Variants in TAOK3 observed in about 807,000 individuals in gnomAD.
TAOK3 encodes serine/threonine-protein kinase TAO3.
A neutral mutation model predicts 120.4 loss-of-function variants in TAOK3; 40 were observed. The observed-to-expected ratio is 0.33, with a 90% confidence interval of 0.26 to 0.43. The LOEUF (loss-of-function observed/expected upper bound fraction) is 0.43. Ranked by LOEUF, TAOK3 falls within the 20% of genes least tolerant of loss-of-function variation. TAOK3 has a pLI of 1.00. For synonymous variants in TAOK3, 355 were observed against 387.5 expected, an observed-to-expected ratio of 0.92 and a Z score of 0.99; for missense variants, 821 against 1,112.1, an observed-to-expected ratio of 0.74 and a Z score of 3.72.
At chr12:118,290,579 A>G (rs951437927) in intron 1 of TAOK3, among the ~76,000 whole-genome samples, 1 of 152,092 alleles carries the variant, frequency 6.6e-6, no homozygotes, top group African/African-American at 2.4e-5. Context: ...AAGGTTAGGA[A>G]TCTGATTTAT....
At chr12:118,351,670 T>C (rs1221564293) in intron 1 of TAOK3, among the ~76,000 whole-genome samples, 4 of 152,072 alleles carry the variant, frequency 2.6e-5, no homozygotes, top group Non-Finnish European at 4.4e-5. Flanking sequence ...TAATAAATAT[T>C]CCTATCTTTA....
intron 1 of TAOK3, among the ~76,000 whole-genome samples, chr12:118,300,929 C>T (rs911253775): frequency 6.6e-5 from 10 of 152,230 alleles, no homozygotes; most frequent in African/African-American, 1.9e-4. Flanking sequence ...GCATGTGCCA[C>T]CACGCCCGGC....
At chr12:118,317,149 G>C (rs1366587479) in intron 1 of TAOK3, among the ~76,000 whole-genome samples, 5 of 151,762 alleles carry the variant, frequency 3.3e-5, no homozygotes, top group African/African-American at 1.2e-4. Flanking sequence ...TGTAACTCCA[G>C]CTACTTGGGA....
At chr12:118,209,697 CTCTTCTTCT>C (rs995139805) in intron 11 of TAOK3, among the ~76,000 whole-genome samples, 1 of 145,196 alleles carries the variant, frequency 6.9e-6, no homozygotes, top group South Asian at 2.3e-4. Flanking sequence ...TTGCACCCGG[CTCTTCTTCT>C]TCTTCTTCTT....
intron 19 of TAOK3, among the ~76,000 whole-genome samples, chr12:118,156,894 C>G (rs1037771066): frequency 4.6e-5 from 7 of 152,102 alleles, no homozygotes; most frequent in African/African-American, 1.7e-4. Context: ...TGTGTGCCAC[C>G]AAGCCCAACT....
At chr12:118,232,774 A>C (rs1031674558) in intron 9 of TAOK3, among the ~76,000 whole-genome samples, 1 of 152,208 alleles carries the variant, frequency 6.6e-6, no homozygotes, top group African/African-American at 2.4e-5. Context: ...CCTTGGTGGC[A>C]GGTGCCTATA....
intron 11 of TAOK3, among the ~76,000 whole-genome samples, chr12:118,206,258 T>C (rs1241323912): frequency 6.6e-6 from 1 of 152,226 alleles, no homozygotes; most frequent in East Asian, 1.9e-4. Context: ...GACGACATTG[T>C]TGAGCTGCTT....
chr12:118,192,654 T>G (rs928787717), intron 13 of TAOK3, among the ~76,000 whole-genome samples: 42 of 152,346 alleles, frequency 2.8e-4, no homozygotes, highest in African/African-American at 9.9e-4. Context: ...AGAAGTAAGC[T>G]CAAAGAAATT....
chr12:118,275,638 A>T (rs1014239589), intron 1 of TAOK3, among the ~76,000 whole-genome samples: 1 of 152,162 alleles, frequency 6.6e-6, no homozygotes, highest in Non-Finnish European at 1.5e-5. Flanking sequence ...TTACTCATTT[A>T]TTCATGTATC....
chr12:118,214,675 C>T (rs1263310073), intron 9 of TAOK3, among the ~76,000 whole-genome samples: 1 of 150,490 alleles, frequency 6.6e-6, no homozygotes, highest in East Asian at 2.0e-4. Context: ...TCAAGTGATT[C>T]TCCTGCCTCA....
At chr12:118,306,763 A>T (rs2043066441) in intron 1 of TAOK3, among the ~76,000 whole-genome samples, 1 of 152,208 alleles carries the variant, frequency 6.6e-6, no homozygotes, top group South Asian at 2.1e-4. Context: ...TAAACTAATC[A>T]TTCAATTGTA....
intron 2 of TAOK3, among the ~76,000 whole-genome samples, chr12:118,265,086 T>A (rs2041386068): frequency 6.6e-6 from 1 of 151,278 alleles, no homozygotes; most frequent in Non-Finnish European, 1.5e-5. Flanking sequence ...TTGCAAAATA[T>A]TTGCCAGTTA....
chr12:118,298,192 T>TTTTAATTAATCTGGAGAGTA (rs545783710), intron 1 of TAOK3, among the ~76,000 whole-genome samples: 2,180 of 152,300 alleles, frequency 0.014, 49 homozygotes, highest in African/African-American at 0.049. Flanking sequence ...AAAGGGGAGA[T>TTTTAATTAATCTGGAGAGTA]TTTAATTAAT....
chr12:118,188,251 G>A (rs988259860), intron 14 of TAOK3, among the ~76,000 whole-genome samples: 2 of 152,184 alleles, frequency 1.3e-5, no homozygotes, highest in African/African-American at 2.4e-5. Context: ...CACAAGAGTC[G>A]ATGGTAAGTA....
At chr12:118,158,398 G>T (rs74955837) in intron 19 of TAOK3, among the ~76,000 whole-genome samples, 1 of 152,050 alleles carries the variant, frequency 6.6e-6, no homozygotes, top group South Asian at 2.1e-4. Context: ...TCCATTATCT[G>T]TACCTCTCTA....
chr12:118,278,197 G>C (rs578076310), intron 1 of TAOK3, among the ~76,000 whole-genome samples: 5 of 151,826 alleles, frequency 3.3e-5, no homozygotes, highest in African/African-American at 1.2e-4. Flanking sequence ...TTGTTATATA[G>C]GTACATTGCA....
rs192528220 is a variant in TAOK3, at chr12:118,195,318, T to C, written c.1194+3733A>G. Among the ~76,000 whole-genome samples the C allele has an allele frequency of 4.4e-4, 67 of 152,320 alleles. 1 individual carries two copies. The highest frequency in any genetic ancestry group is 1.5e-3 in the African/African-American group (63 of 41,574). ...CTTTAGTAAAATAAAAATACACCTT[T>C]TGATTAACAAATTTAAAAGACAGAC... On this transcript the variant is annotated intron_variant, in intron 13 of 20. Transcript: ENST00000392533.
chr12:118,184,368 C>T (rs1164570932), intron 14 of TAOK3, among the ~76,000 whole-genome samples: 1 of 152,106 alleles, frequency 6.6e-6, no homozygotes, highest in Non-Finnish European at 1.5e-5. Flanking sequence ...ATGATATTTA[C>T]AGTTATATGT....
intron 1 of TAOK3, among the ~76,000 whole-genome samples, chr12:118,338,828 A>T (rs1176352708): frequency 6.6e-6 from 1 of 151,212 alleles, no homozygotes; most frequent in African/African-American, 2.4e-5. Flanking sequence ...AAAACGGAGC[A>T]AATGAATAAC....
Sources: allele counts gnomAD v4.1 joint callset (sites outside exome capture counted in the v4.1 genomes callset), GRCh38; gene constraint gnomAD v4.1.1; transcripts MANE v1.5; gene names NCBI Gene and HGNC (gene_info 2026-07-23, HGNC 2026-07-21).